The following DCAF12 variants were observed in gnomAD, a reference collection of about 807,000 sequenced individuals.
DCAF12 encodes the protein DDB1 and CUL4 associated factor 12.
DCAF12 carries 28 observed loss-of-function variants against 52.8 expected under a neutral mutation model. The ratio of observed to expected loss-of-function variants is 0.53; its 90% CI spans 0.39 to 0.73. The LOEUF (loss-of-function observed/expected upper bound fraction) is 0.73. DCAF12 is among the 30% of genes least tolerant of loss of function. The pLI, the probability that DCAF12 is intolerant of heterozygous loss-of-function variation, is 0.00. For missense variants in DCAF12, 425 were observed against 552.2 expected (o/e 0.77, Z 2.31); for synonymous variants, 196 against 215.5 (o/e 0.91, Z 0.79).
rs1179310708 is a variant in DCAF12, at chr9:34,087,581, C to A, written c.*769G>T. 1 of 152,202 alleles carries A rather than the reference C, an allele frequency of 6.6e-6. No homozygotes were observed. The highest frequency in any genetic ancestry group is 2.4e-5 in the African/African-American group (1 of 41,448). The allele number at this position is 152,202 out of a possible 1,614,324, so 9.4% of individuals were successfully genotyped here. A position where few individuals can be genotyped will look rare whatever the true frequency, so the allele number is the denominator to read the frequency against. On this transcript the variant is annotated 3_prime_UTR_variant, in exon 9 of 9. Transcript: ENST00000361264. ...ATGTGAGGGTGGGAAGGGGAAGTGA[C>A]ACCAACTTCCCACACGGGGGACACA... is the stretch of plus-strand genomic sequence containing the variant.
chr9:34,103,488 A>T (rs1828861218), intron 4 of DCAF12, among the ~76,000 whole-genome samples: 2 of 152,148 alleles, frequency 1.3e-5, no homozygotes. Context: ...CCATACACAA[A>T]GTTGTTTATT....
Position 34,126,496 on chromosome 9 carries a change from G to GCGGGT in DCAF12, c.-70_-66dup. On this transcript the variant is annotated 5_prime_UTR_variant, in exon 1 of 9. Transcript: ENST00000361264. ...GGGGGAAGCGAAGGATAGCAGGACG[G>GCGGGT]CGGGTCATATACTGGGCCCCGGGGC... 1.9e-6 allele frequency: 3 copies of GCGGGT among 1,557,970 alleles called. No homozygotes were observed. Among genetic ancestry groups the GCGGGT allele is most frequent in the Non-Finnish European group, 2.6e-6 (3 of 1,157,408 alleles).
chr9:34,117,451 C>T (rs989804483), intron 2 of DCAF12, among the ~76,000 whole-genome samples: 1 of 151,886 alleles, frequency 6.6e-6, no homozygotes, highest in Non-Finnish European at 1.5e-5. Context: ...CGCCCGGCCT[C>T]TAATCCTTGA....
chr9:34,117,718 C>T (rs1363392922), intron 2 of DCAF12, among the ~76,000 whole-genome samples: 2 of 152,020 alleles, frequency 1.3e-5, no homozygotes, highest in Non-Finnish European at 2.9e-5. Context: ...ATTTCGAGAC[C>T]AGCCTCACCA....
In DCAF12 at chr9:34,125,033, T is replaced by C; in HGVS notation, c.323A>G (p.Lys108Arg). ...LNHRQVVCGTKCNTLFVVDVQ... is the reference protein window; with the variant it reads ...LNHRQVVCGTRCNTLFVVDVQ... ...CCCCCAGGCACTTACCGTGTTGCATTTTGTGCCACACACCACTTGCCTATG... is the reference window on the plus strand; with the variant it reads ...CCCCCAGGCACTTACCGTGTTGCATCTTGTGCCACACACCACTTGCCTATG... The change falls in exon 2 of 9, where the codon AAA (lysine) becomes AGA (arginine). Residue 108 changes from lysine (K) to arginine (R), a missense_variant. Physicochemically the swap from Lys to Arg is conservative, Grantham distance 26 (BLOSUM62 2). Around this residue, in one of 3 missense-constraint regions of DCAF12, gnomAD observed 328 missense variants for 444.4 expected, o/e 0.74. Transcript: ENST00000361264. 1 of 1,613,152 alleles carries C rather than the reference T, an allele frequency of 6.2e-7. No individual in the cohort carries two copies. Among genetic ancestry groups the C allele is most frequent in the Non-Finnish European group, 8.5e-7 (1 of 1,180,020 alleles).
At position 34,126,581 on chromosome 9, in the gene DCAF12, AAGAT is replaced by A. The variant is rs1449071816; in HGVS notation, c.-154_-151del. ...CCGGACCCGGAGCGGCAGCAGAAAA[AAGAT>A]AGGCGGAAAGAAAGGAAAGAGAGAG... On this transcript the variant is annotated 5_prime_UTR_variant, in exon 1 of 9. Coordinates refer to ENST00000361264, the MANE Select transcript of DCAF12 (RefSeq NM_015397.4). The A allele has an allele frequency of 1.2e-5, 10 of 806,694 alleles. No individual in the cohort carries two copies. The highest frequency in any genetic ancestry group is 6.0e-5 in the Admixed American group (2 of 33,342). The allele number at this position is 806,694 out of a possible 1,614,324, so 50.0% of individuals were successfully genotyped here. A position where few individuals can be genotyped will look rare whatever the true frequency, so the allele number is the denominator to read the frequency against.
At chr9:34,115,052 C>T (rs533627408) in intron 2 of DCAF12, among the ~76,000 whole-genome samples, 37 of 152,186 alleles carry the variant, frequency 2.4e-4, no homozygotes, top group Admixed American at 3.9e-4. Flanking sequence ...CAGACTGGAG[C>T]CCAATGAGAA....
chr9:34,093,817 AG>A (rs1418368106), intron 6 of DCAF12: 3 of 197,280 alleles, frequency 1.5e-5, no homozygotes, highest in Non-Finnish European at 3.2e-5. Flanking sequence ...TCTGCCAGGA[AG>A]GGCCACCTCA....
chr9:34,125,309 G>T, intron 1 of DCAF12, 32 bp from the exon 2 acceptor site: 2 of 1,610,190 alleles, frequency 1.2e-6, no homozygotes, highest in South Asian at 1.1e-5. Flanking sequence ...TCAGGGCTTT[G>T]GCTACTCTTC....
Position 34,107,583 on chromosome 9 carries a change from T to C in DCAF12, c.334-18A>G. 6.8e-6 allele frequency: 11 copies of C among 1,612,000 alleles called. No homozygotes were observed. Among genetic ancestry groups the C allele is most frequent in the Non-Finnish European group, 8.5e-6 (10 of 1,178,226 alleles). On this transcript the variant is annotated intron_variant, in intron 2 of 8. Coordinates refer to ENST00000361264, the MANE Select transcript of DCAF12 (RefSeq NM_015397.4). ...ACAAATAGCTACAAGAAAAAATGGA[T>C]ACAGAAGCTGAACATAAATTTAACG... is the stretch of plus-strand genomic sequence containing the variant.
At chr9:34,116,849 C>T (rs1488403265) in intron 2 of DCAF12, among the ~76,000 whole-genome samples, 3 of 152,046 alleles carry the variant, frequency 2.0e-5, no homozygotes, top group East Asian at 1.9e-4. Flanking sequence ...GGCACAGTGA[C>T]GGGTGTGTAA....
At chr9:34,094,061 T>C (rs531739604) in intron 6 of DCAF12, among the ~76,000 whole-genome samples, 1 of 152,214 alleles carries the variant, frequency 6.6e-6, no homozygotes, top group South Asian at 2.1e-4. Context: ...CATGAAGGAA[T>C]CACTAATTCC....
At chr9:34,126,048 C>T (rs142493413) in intron 1 of DCAF12, among the ~76,000 whole-genome samples, 2 of 152,286 alleles carry the variant, frequency 1.3e-5, no homozygotes, top group African/African-American at 4.8e-5. Context: ...TTTCCGATTC[C>T]CTTAACTTCG....
chr9:34,103,095 CAAAAAAAA>C lies in DCAF12; in HGVS notation c.601+3331_601+3338del, dbSNP rs34456166. On this transcript the variant is annotated intron_variant, in intron 4 of 8. Coordinates refer to ENST00000361264, the MANE Select transcript of DCAF12 (RefSeq NM_015397.4). ...GGGTGACAGGGCGAGACCTTAACTC[CAAAAAAAA>C]AAAAAAAAAAAAAAAAGAGAAACAA... Among the ~76,000 whole-genome samples the C allele has an allele frequency of 1.1e-3, 110 of 100,190 alleles. 1 individual carries two copies. Among genetic ancestry groups the C allele is most frequent in the Middle Eastern group, 6.2e-3 (1 of 162 alleles). The allele number at this position is 100,190 out of a possible 152,430, so 65.7% of individuals were successfully genotyped here. A position where few individuals can be genotyped will look rare whatever the true frequency, so the allele number is the denominator to read the frequency against.
chr9:34,124,939 C>A, intron 2 of DCAF12, 84 bp downstream of exon 2: 4 of 1,529,444 alleles, frequency 2.6e-6, no homozygotes, highest in Non-Finnish European at 3.5e-6. Context: ...AAGAAACAGA[C>A]GGGAAAACTA....
chr9:34,097,923 AAC>A (rs1828761350), intron 5 of DCAF12, among the ~76,000 whole-genome samples: 1 of 151,322 alleles, frequency 6.6e-6, no homozygotes, highest in African/African-American at 2.4e-5. Flanking sequence ...ACAGGAGCAA[AAC>A]ACAGTCTCAA....
intron 2 of DCAF12, among the ~76,000 whole-genome samples, chr9:34,113,489 A>G (rs1346100369): frequency 1.3e-5 from 2 of 151,618 alleles, no homozygotes; most frequent in African/African-American, 4.9e-5. Context: ...GCAGGTGCAC[A>G]CCACTGTGCC....
At chr9:34,096,102 G>A (rs1227677291) in intron 6 of DCAF12, 2 of 152,208 alleles carry the variant, frequency 1.3e-5, no homozygotes, top group African/African-American at 4.8e-5. Flanking sequence ...ATGCCTGAAT[G>A]CCCAGCACTT....
chr9:34,108,672 GC>G (rs1292098279), intron 2 of DCAF12, among the ~76,000 whole-genome samples: 1 of 151,916 alleles, frequency 6.6e-6, no homozygotes, highest in African/African-American at 2.4e-5. Flanking sequence ...TGTAATCTCA[GC>G]TACTCGGGAG....
Sources: gnomAD v4.1 joint callset for allele counts (sites outside exome capture counted in the v4.1 genomes callset) on GRCh38, gnomAD v4.1.1 for gene constraint, gnomAD v4.1.1 regional missense constraint, MANE v1.5 for transcripts, NCBI Gene and HGNC (gene_info 2026-07-23, HGNC 2026-07-21) for gene names.